Variants in GATA3 observed in about 807,000 individuals in gnomAD.
GATA3 encodes trans-acting T-cell-specific transcription factor GATA-3.
A neutral mutation model predicts 36.0 loss-of-function variants in GATA3; 6 were observed. The ratio of observed to expected loss-of-function variants is 0.17; its 90% CI spans 0.09 to 0.33. GATA3 has a LOEUF of 0.33. Ranked by LOEUF, GATA3 falls within the 10% of genes least tolerant of loss-of-function variation. The pLI is 1.00. For synonymous variants in GATA3, 326 were observed against 273.0 expected, an observed-to-expected ratio of 1.19 and a Z score of -1.92; for missense variants, 514 against 610.1, an observed-to-expected ratio of 0.84 and a Z score of 1.66.
At chr10:8,048,412 G>A (rs1832417908) in intron 1 of GATA3, among the ~76,000 whole-genome samples, 1 of 152,232 alleles carries the variant, frequency 6.6e-6, no homozygotes, top group South Asian at 2.1e-4. Context: ...CTTGGTGCAG[G>A]GGCCGGAGTC....
At chr10:8,062,226 G>A (rs1588382038) in intron 3 of GATA3, among the ~76,000 whole-genome samples, 1 of 152,278 alleles carries the variant, frequency 6.6e-6, no homozygotes, top group South Asian at 2.1e-4. Context: ...ACTTAGGAAG[G>A]CGCCTTTGGC....
chr10:8,071,801 T>C (rs184015200), intron 5 of GATA3, among the ~76,000 whole-genome samples: 73 of 152,324 alleles, frequency 4.8e-4, no homozygotes, highest in African/African-American at 1.6e-3. Context: ...CATAAGCTCT[T>C]TCTTCTTATC....
chr10:8,066,961 G>C (rs1189582436), intron 4 of GATA3, among the ~76,000 whole-genome samples: 1 of 151,886 alleles, frequency 6.6e-6, no homozygotes, highest in East Asian at 1.9e-4. Flanking sequence ...CTTGTACTCT[G>C]TACATTCAGA....
In GATA3 at chr10:8,074,922, T is replaced by C; in HGVS notation, c.*899T>C. On this transcript the variant is annotated 3_prime_UTR_variant, in exon 6 of 6. Transcript: ENST00000379328. ...TGGTTGTGCTCGGAGGGTTTCTTGT[T>C]TCTTTTCCATTTTGTTTTTGGATGA... 4.3e-6 allele frequency: 1 copy of C among 233,792 alleles called. No individual in the cohort carries two copies. The highest frequency in any genetic ancestry group is 8.5e-6 in the Non-Finnish European group (1 of 118,072). 14.5% of individuals were successfully genotyped at this position (233,792 alleles called of 1,614,324 possible).
At chr10:8,069,878 G>GTTTA (rs1349228769) in intron 5 of GATA3, among the ~76,000 whole-genome samples, 1 of 141,716 alleles carries the variant, frequency 7.1e-6, no homozygotes, top group Non-Finnish European at 1.5e-5. Flanking sequence ...GGCCTGTGTG[G>GTTTA]TTTATAAGGA....
chr10:8,065,712 T>G (rs1309939820), intron 4 of GATA3, among the ~76,000 whole-genome samples: 3 of 143,774 alleles, frequency 2.1e-5, no homozygotes, highest in Admixed American at 6.9e-5. Context: ...TTTTTTTTTT[T>G]TTTTTTTTTT....
Position 8,074,073 on chromosome 10 carries a change from T to C in GATA3, c.*50T>C, listed in dbSNP as rs2131523764. ...CCCCAGCGAGAGTCCCTGCAGTCCCTTTCGACTTGCATTTTTGCAGGAGCA... is the reference window on the plus strand; with the variant it reads ...CCCCAGCGAGAGTCCCTGCAGTCCCCTTCGACTTGCATTTTTGCAGGAGCA... On this transcript the variant is annotated 3_prime_UTR_variant, in exon 6 of 6. Coordinates refer to ENST00000379328, the MANE Select transcript of GATA3 (RefSeq NM_001002295.2). 6.3e-7 allele frequency: 1 copy of C among 1,591,370 alleles called. No homozygotes were observed. The highest frequency in any genetic ancestry group is 1.3e-5 in the African/African-American group (1 of 74,402).
intron 3 of GATA3, among the ~76,000 whole-genome samples, chr10:8,060,247 C>T (rs1028265891): frequency 6.6e-6 from 1 of 152,166 alleles, no homozygotes; most frequent in Non-Finnish European, 1.5e-5. Context: ...TAATAGAGTC[C>T]GGATGCGGTT....
Position 8,059,347 on chromosome 10 carries a change from G to A in GATA3, c.778+506G>A, listed in dbSNP as rs1335282914. On this transcript the variant is annotated intron_variant, in intron 3 of 5. Coordinates refer to ENST00000379328, the MANE Select transcript of GATA3 (RefSeq NM_001002295.2). ...GTGAGGACAGTCCTTTATTAGACGT[G>A]TAGACACAAAGTGTGTGTGCATGAG... Among the ~76,000 whole-genome samples the A allele has an allele frequency of 3.9e-5, 6 of 152,336 alleles. No homozygotes were observed. In the East Asian group the frequency reaches 1.2e-3, roughly 29 times the overall value.
chr10:8,045,759 T>C (rs1832379729), intron 1 of GATA3, among the ~76,000 whole-genome samples: 1 of 151,734 alleles, frequency 6.6e-6, no homozygotes, highest in South Asian at 2.1e-4. Flanking sequence ...CTGGTAGAAG[T>C]AGGGATGTGA....
chr10:8,058,202 AG>A, intron 2 of GATA3, 102 bp from the exon 3 acceptor site: 3 of 1,319,102 alleles, frequency 2.3e-6, no homozygotes, highest in Non-Finnish European at 3.2e-6. Context: ...TTTGCTGAAA[AG>A]GAGGCCGATG....
intron 4 of GATA3, 64 bp downstream of exon 4, chr10:8,064,202 C>T (rs1254320402): frequency 1.6e-5 from 26 of 1,599,798 alleles, no homozygotes; most frequent in South Asian, 4.4e-5. Flanking sequence ...TCCTCTCTTC[C>T]GGAAGGACAG....
rs1038262863 is a variant in GATA3 at position 8,058,921 on chromosome 10, C to A, written c.778+80C>A. 3.6e-6 allele frequency: 5 copies of A among 1,382,904 alleles called. No individual in the cohort carries two copies. The African/African-American group carries it at 5.7e-5, about 16-fold the overall frequency. The allele number at this position is 1,382,904 out of a possible 1,614,324, so 85.7% of individuals were successfully genotyped here. On this transcript the variant is annotated intron_variant, in intron 3 of 5. Transcript: ENST00000379328. ...AATCCAGGGCCGCACCCAGAGGGAC[C>A]CCTCAGGGGAGCCGGGGTGTCCCAA...
In GATA3 at chr10:8,064,157, A is replaced by T; in HGVS notation, c.924+19A>T. On this transcript the variant is annotated intron_variant, in intron 4 of 5. Coordinates refer to ENST00000379328, the MANE Select transcript of GATA3 (RefSeq NM_001002295.2). ...AAGGCTGGTAAGTTCTCGGGAAGGG[A>T]TGGATTCCATGCTGACCATTCTGGG... 2 of 1,613,944 alleles carry T rather than the reference A, an allele frequency of 1.2e-6. No individual in the cohort carries two copies. Among genetic ancestry groups the T allele is most frequent in the Admixed American group, 1.7e-5 (1 of 60,004 alleles).
chr10:8,058,829 C>T lies in GATA3; in HGVS notation c.766C>T (p.Arg256Trp), dbSNP rs758290866. 1.2e-6 allele frequency: 2 copies of T among 1,603,840 alleles called. No homozygotes were observed. The highest frequency in any genetic ancestry group is 1.7e-6 in the Non-Finnish European group (2 of 1,179,920). Residue 256 changes from arginine (R) to tryptophan (W), a missense_variant, in exon 3 of 6, where the codon CGG (arginine) becomes TGG (tryptophan). Transcript: ENST00000379328. ...CGGATGCAAGTCCAGGCCCAAGGCC[C>T]GGTCCAGCACAGGTAGGAGCCAGCT... is the stretch of plus-strand genomic sequence containing the variant. ...GFGCKSRPKARSSTEGRECVN... is the reference protein window; with the variant it reads ...GFGCKSRPKAWSSTEGRECVN...
intron 4 of GATA3, among the ~76,000 whole-genome samples, chr10:8,066,371 T>G (rs7094966): frequency 0.2 from 30,754 of 151,988 alleles, 3,223 homozygotes; most frequent in East Asian, 0.25. Flanking sequence ...TTGATGTTTT[T>G]AGTTCTATAG....
intron 5 of GATA3, among the ~76,000 whole-genome samples, chr10:8,072,790 T>A (rs1243372718): frequency 6.6e-6 from 1 of 151,886 alleles, no homozygotes; most frequent in Non-Finnish European, 1.5e-5. Flanking sequence ...AAGTGGAGAG[T>A]CAGAGCTAGG....
At chr10:8,056,797 A>T (rs1291411174) in intron 2 of GATA3, among the ~76,000 whole-genome samples, 2 of 152,176 alleles carry the variant, frequency 1.3e-5, no homozygotes, top group Non-Finnish European at 2.9e-5. Context: ...CTGAAATGTA[A>T]AAAAAGAAGA....
upstream of GATA3, chr10:8,050,640 G>GGGAC (rs1322678663): frequency 4.8e-6 from 1 of 206,698 alleles, no homozygotes; most frequent in East Asian, 1.8e-4. Context: ...CTGCGCGGCC[G>GGGAC]GGACCGCCCA....
Sources: gnomAD v4.1 joint callset for allele counts (sites outside exome capture counted in the v4.1 genomes callset) on GRCh38, gnomAD v4.1.1 for gene constraint, MANE v1.5 for transcripts, NCBI Gene and HGNC (gene_info 2026-07-23, HGNC 2026-07-21) for gene names.